The following NIPSNAP3B variants were observed in gnomAD, a reference collection of about 807,000 sequenced individuals.
NIPSNAP3B encodes the protein nipsnap homolog 3B, also known as protein NipSnap homolog 3B.
Under a neutral mutation model 31.5 loss-of-function variants are expected in NIPSNAP3B, and 30 were observed. The ratio of observed to expected loss-of-function variants is 0.95; its 90% CI spans 0.71 to 1.29. The LOEUF is 1.29. Ranked by LOEUF, NIPSNAP3B falls within the 50% of genes most tolerant of loss-of-function variation. The probability of loss-of-function intolerance (pLI) is 0.00; values close to 1 mark genes in which losing one functional copy is unlikely to be tolerated. For synonymous variants in NIPSNAP3B, 106 were observed against 107.9 expected (o/e 0.98, Z 0.11); for missense variants, 269 against 300.7 (o/e 0.89, Z 0.78).
chr9:104,784,138 G>A, the NIPSNAP3B span: 1 of 745,670 alleles, frequency 1.3e-6, no homozygotes, highest in South Asian at 1.8e-5. Context: ...CACTGCCCCT[G>A]TAATGGAATT....
downstream of NIPSNAP3B, among the ~76,000 whole-genome samples, chr9:104,779,621 G>GTTTTTTTT (rs11432680): frequency 6.8e-6 from 1 of 147,144 alleles, no homozygotes; most frequent in African/African-American, 2.5e-5. Flanking sequence ...AGCTAAGTGG[G>GTTTTTTTT]TTTTTTTTTT....
chr9:104,765,095 G>C (rs556466973), intron 1 of NIPSNAP3B, among the ~76,000 whole-genome samples: 1 of 152,256 alleles, frequency 6.6e-6, no homozygotes, highest in East Asian at 1.9e-4. Flanking sequence ...CAAAAGAAAG[G>C]ATAGTTGCAG....
At chr9:104,778,009 T>G (rs1828373040), downstream of NIPSNAP3B, among the ~76,000 whole-genome samples, 2 of 152,192 alleles carry the variant, frequency 1.3e-5, no homozygotes, top group Admixed American at 6.5e-5. Context: ...TGGACATAAT[T>G]GACAACTTCT....
chr9:104,764,351 G>T (rs1171479081), intron 1 of NIPSNAP3B, 51 bp downstream of exon 1: 2 of 1,465,160 alleles, frequency 1.4e-6, no homozygotes, highest in East Asian at 2.5e-5. Context: ...GAGGGGAGGG[G>T]CGGGGGGTAT....
chr9:104,785,329 G>A, the NIPSNAP3B span: 8 of 1,598,702 alleles, frequency 5.0e-6, no homozygotes, highest in Non-Finnish European at 6.0e-6. Flanking sequence ...TTGGACCTAT[G>A]GGCGGGAGTG....
downstream of NIPSNAP3B, chr9:104,782,636 C>A (rs1425294470): frequency 6.6e-6 from 1 of 152,012 alleles, no homozygotes; most frequent in Non-Finnish European, 1.5e-5. Context: ...TTATATTTTT[C>A]TTGACTAGTG....
chr9:104,776,276 G>T lies in NIPSNAP3B; in HGVS notation c.*3203G>T, dbSNP rs894905613. Among the ~76,000 whole-genome samples the T allele has an allele frequency of 1.3e-5, 2 of 152,094 alleles. No homozygotes were observed. Among genetic ancestry groups the T allele is most frequent in the Admixed American group, 6.5e-5 (1 of 15,280 alleles). ...TGCTCTTCCCCAGACATGCATCTGC[G>T]TGGATCATTTCCATGCCTCCTCAGG... On this transcript the variant is annotated 3_prime_UTR_variant, in exon 6 of 6. Coordinates refer to ENST00000374762, the MANE Select transcript of NIPSNAP3B (RefSeq NM_018376.4).
the NIPSNAP3B span, among the ~76,000 whole-genome samples, chr9:104,784,913 G>T: frequency 6.6e-6 from 1 of 152,062 alleles, no homozygotes. Context: ...CAAAGTGCTG[G>T]GATTACAGGC....
intron 3 of NIPSNAP3B, 40 bp downstream of exon 3, chr9:104,769,061 A>T (rs772269101): frequency 3.0e-5 from 46 of 1,520,812 alleles, no homozygotes; most frequent in Non-Finnish European, 4.1e-5. Context: ...TTAATGAGTA[A>T]AATACTAAAG....
At chr9:104,771,886 A>G (rs1160729102) in intron 4 of NIPSNAP3B, among the ~76,000 whole-genome samples, 3 of 152,142 alleles carry the variant, frequency 2.0e-5, no homozygotes, top group African/African-American at 7.2e-5. Context: ...CCTCACCAGC[A>G]TCTGTTATTT....
At chr9:104,778,032 C>G (rs1220842767), downstream of NIPSNAP3B, among the ~76,000 whole-genome samples, 1 of 152,164 alleles carries the variant, frequency 6.6e-6, no homozygotes, top group African/African-American at 2.4e-5. Context: ...CTTCCTGAAA[C>G]AATAATTCTC....
At position 104,771,127 on chromosome 9, in the gene NIPSNAP3B, A is replaced by C. The variant is rs1011084496; in HGVS notation, c.580+129A>C. On this transcript the variant is annotated intron_variant, in intron 4 of 5. Transcript: ENST00000374762. ...GAGTTTGTTGTTTATAGGATTGAAA[A>C]AATCTATAAGCATCTTATTTTACAT... 3.0e-5 allele frequency: 22 copies of C among 744,114 alleles called. No individual in the cohort carries two copies. The Admixed American group carries it at 5.8e-4, about 20-fold the overall frequency. 46.1% of individuals were successfully genotyped at this position (744,114 alleles called of 1,614,324 possible).
At chr9:104,770,790 C>A in intron 3 of NIPSNAP3B, 59 bp from the exon 4 acceptor site, 1 of 1,517,298 alleles carries the variant, frequency 6.6e-7, no homozygotes, top group African/African-American at 1.4e-5. Flanking sequence ...ATCAGGAAAA[C>A]CTGGTTAGAA....
chr9:104,790,138 C>G, the NIPSNAP3B span, among the ~76,000 whole-genome samples: 4 of 150,860 alleles, frequency 2.7e-5, no homozygotes, highest in Non-Finnish European at 5.9e-5. Flanking sequence ...ATTTAAAGTA[C>G]TTAGAGTAAC....
the NIPSNAP3B span, chr9:104,784,079 A>G: frequency 6.3e-4 from 332 of 530,452 alleles, 2 homozygotes; most frequent in African/African-American, 5.7e-3. Flanking sequence ...GTAAAAAACT[A>G]AATTCAAGTC....
the NIPSNAP3B span, chr9:104,788,443 C>G: frequency 6.2e-7 from 1 of 1,614,190 alleles, no homozygotes. Flanking sequence ...ACTTCTTTCT[C>G]TGGGACTCCT....
intron 2 of NIPSNAP3B, among the ~76,000 whole-genome samples, chr9:104,768,401 TTCTC>T: frequency 6.6e-6 from 1 of 152,186 alleles, no homozygotes; most frequent in Non-Finnish European, 1.5e-5. Context: ...AAAATAGTCT[TTCTC>T]TATAAATCAA....
the NIPSNAP3B span, chr9:104,788,044 C>T: frequency 6.2e-7 from 1 of 1,614,192 alleles, no homozygotes; most frequent in Non-Finnish European, 8.5e-7. Context: ...CCGAATCGCC[C>T]ACTCACCAAC....
intron 4 of NIPSNAP3B, among the ~76,000 whole-genome samples, chr9:104,772,453 G>A (rs192691868): frequency 2.0e-5 from 3 of 151,962 alleles, no homozygotes; most frequent in Non-Finnish European, 4.4e-5. Context: ...GGTTTATCTA[G>A]GCAGTTAAGA....
Sources: gnomAD v4.1 joint callset for allele counts (sites outside exome capture counted in the v4.1 genomes callset) on GRCh38, gnomAD v4.1.1 for gene constraint, MANE v1.5 for transcripts, NCBI Gene and HGNC (gene_info 2026-07-23, HGNC 2026-07-21) for gene names.